The following TFEC variants were observed in gnomAD, a reference collection of about 807,000 sequenced individuals.
TFEC encodes transcription factor EC, also known as class E basic helix-loop-helix protein 34.
In TFEC, 31 loss-of-function variants were observed where a neutral mutation model predicts 41.6. The ratio of observed to expected loss-of-function variants is 0.74; its 90% CI spans 0.56 to 1.01. The LOEUF (loss-of-function observed/expected upper bound fraction) is 1.01. TFEC is among the 50% of genes least tolerant of loss of function. TFEC has a pLI of 0.00. For missense variants in TFEC, 402 were observed against 404.1 expected, an observed-to-expected ratio of 0.99 and a Z score of 0.04; for synonymous variants, 143 against 140.6, an observed-to-expected ratio of 1.02 and a Z score of -0.12.
chr7:116,158,239 G>A (rs1584585041), intron 1 of TFEC, among the ~76,000 whole-genome samples: 1 of 151,850 alleles, frequency 6.6e-6, no homozygotes, highest in Non-Finnish European at 1.5e-5. Flanking sequence ...TATGAAAGAG[G>A]TTTCTGGTCC....
chr7:116,094,385 T>C (rs1236628861), intron 3 of TFEC, among the ~76,000 whole-genome samples: 2 of 152,180 alleles, frequency 1.3e-5, no homozygotes, highest in African/African-American at 2.4e-5. Context: ...AATTTTAAAA[T>C]AAGAATACAT....
chr7:116,090,964 C>A (rs988613035), intron 3 of TFEC, among the ~76,000 whole-genome samples: 1 of 127,098 alleles, frequency 7.9e-6, no homozygotes, highest in African/African-American at 3.0e-5. Flanking sequence ...CAGGGCCTGT[C>A]GGGGGTGGGG....
At chr7:115,973,294 A>G (rs1793218871) in intron 3 of TFEC, among the ~76,000 whole-genome samples, 4 of 151,906 alleles carry the variant, frequency 2.6e-5, no homozygotes, top group South Asian at 2.1e-4. Flanking sequence ...TTTTTTTTCT[A>G]GGCCCTAAAT....
At chr7:115,995,702 C>T (rs566791507) in intron 1 of TFEC, among the ~76,000 whole-genome samples, 2 of 152,168 alleles carry the variant, frequency 1.3e-5, no homozygotes, top group African/African-American at 4.8e-5. Context: ...GTAGGAAAGA[C>T]AGTCTTGAAT....
chr7:115,980,485 C>T (rs563563240), intron 2 of TFEC, among the ~76,000 whole-genome samples: 2 of 152,290 alleles, frequency 1.3e-5, no homozygotes, highest in African/African-American at 4.8e-5. Context: ...CATGGTGGCT[C>T]ATCCCTGCAA....
chr7:116,083,924 T>C (rs1797146662), intron 3 of TFEC, among the ~76,000 whole-genome samples: 1 of 151,920 alleles, frequency 6.6e-6, no homozygotes, highest in South Asian at 2.1e-4. Flanking sequence ...GAACCCATTA[T>C]TTTGAGTCAA....
intron 3 of TFEC, among the ~76,000 whole-genome samples, chr7:116,085,628 A>C (rs536022415): frequency 6.6e-6 from 1 of 151,918 alleles, no homozygotes. Flanking sequence ...AAAATTATTG[A>C]ATAAGATTTT....
At chr7:116,008,660 A>C (rs192789414) in intron 1 of TFEC, among the ~76,000 whole-genome samples, 1 of 152,248 alleles carries the variant, frequency 6.6e-6, no homozygotes, top group Non-Finnish European at 1.5e-5. Context: ...AAGATTAATA[A>C]CTCATTTCTT....
chr7:116,039,940 A>G (rs1448327435), intron 3 of TFEC, among the ~76,000 whole-genome samples: 2 of 152,124 alleles, frequency 1.3e-5, no homozygotes, highest in South Asian at 2.1e-4. Flanking sequence ...AAATTAGATA[A>G]AAGAGGAGAA....
At chr7:115,983,313 C>A (rs4272305) in intron 2 of TFEC, among the ~76,000 whole-genome samples, 108,190 of 151,840 alleles carry the variant, frequency 0.71, 38,677 homozygotes, top group African/African-American at 0.79. Flanking sequence ...ATTTTTTTCT[C>A]TTTTCCAGGT....
intron 3 of TFEC, among the ~76,000 whole-genome samples, chr7:116,090,728 T>G (rs1348821873): frequency 6.6e-6 from 1 of 152,120 alleles, no homozygotes; most frequent in African/African-American, 2.4e-5. Context: ...AATTTTACAA[T>G]CTAATAAGAC....
In TFEC at chr7:115,950,846, T is replaced by C. The variant is rs191259408; in HGVS notation, c.515+28A>G. On this transcript the variant is annotated intron_variant, in intron 6 of 7. Transcript: ENST00000265440. ...TTTTGGGGGTCTTTAAATTATAACA[T>C]TATTATAGAAATGATTGTTGAACTC... The C allele has an allele frequency of 2.6e-6, 4 of 1,553,468 alleles. No homozygotes were observed. The East Asian group carries it at 9.1e-5, about 35-fold the overall frequency.
rs866968430 is a variant in TFEC at position 116,096,905 on chromosome 7, C to T, written c.198+13803G>A. Among the ~76,000 whole-genome samples the T allele has an allele frequency of 2.0e-5, 3 of 151,984 alleles. No individual in the cohort carries two copies. In the South Asian group the frequency reaches 6.2e-4, roughly 32 times the overall value. ...AGGAAATCGAGAACATCCTGGCCAT[C>T]ATGGTGAAACCCCATCTCTACTAAA... On this transcript the variant is annotated intron_variant, in intron 3 of 8. Coordinates refer to the TFEC transcript ENST00000484212.
In TFEC at chr7:115,941,875, C is replaced by A. The variant is rs761916283; in HGVS notation, c.663+18G>T. 1 of 1,612,316 alleles carries A rather than the reference C, an allele frequency of 6.2e-7. No individual in the cohort carries two copies. The highest frequency in any genetic ancestry group is 1.1e-5 in the South Asian group (1 of 90,868). ...CATGTGTAAGCTATGTGACTCATGGCTACATTCTTATAAAAACCTGAATCC... is the reference window on the plus strand; with the variant it reads ...CATGTGTAAGCTATGTGACTCATGGATACATTCTTATAAAAACCTGAATCC... On this transcript the variant is annotated intron_variant, in intron 7 of 7. Transcript: ENST00000265440.
At chr7:115,992,243 A>T (rs1057402715) in intron 1 of TFEC, among the ~76,000 whole-genome samples, 3 of 152,228 alleles carry the variant, frequency 2.0e-5, no homozygotes, top group Admixed American at 1.3e-4. Context: ...AAATGCCCAC[A>T]AGAGAGAGCA....
chr7:116,142,728 G>A (rs1348857812), intron 1 of TFEC, among the ~76,000 whole-genome samples: 4 of 152,162 alleles, frequency 2.6e-5, no homozygotes, highest in African/African-American at 9.7e-5. Flanking sequence ...GCAGACAGAG[G>A]AAGGATTCTA....
intron 2 of TFEC, among the ~76,000 whole-genome samples, chr7:115,975,218 T>TTC (rs991656116): frequency 1.7e-4 from 26 of 151,480 alleles, no homozygotes; most frequent in African/African-American, 6.0e-4. Flanking sequence ...AAATGGTTGC[T>TTC]TCTCTCTCTC....
intron 3 of TFEC, among the ~76,000 whole-genome samples, chr7:116,051,350 C>T (rs138750953): frequency 2.3e-3 from 353 of 152,222 alleles, no homozygotes; most frequent in African/African-American, 8.2e-3. Context: ...TTTTAATCCC[C>T]ATATTACAAA....
chr7:115,944,084 T>C (rs1219646312), intron 6 of TFEC, among the ~76,000 whole-genome samples: 1 of 141,996 alleles, frequency 7.0e-6, no homozygotes, highest in Non-Finnish European at 1.5e-5. Context: ...TTTTGTCAGG[T>C]CTCGTATTCT....
Sources: gnomAD v4.1 joint callset for allele counts (sites outside exome capture counted in the v4.1 genomes callset) on GRCh38, gnomAD v4.1.1 for gene constraint, MANE v1.5 for transcripts, NCBI Gene and HGNC (gene_info 2026-07-23, HGNC 2026-07-21) for gene names.